TMEM117: variants seen among roughly 807,000 people sequenced by gnomAD.
The protein encoded by TMEM117 is transmembrane protein 117.
A neutral mutation model predicts 52.4 loss-of-function variants in TMEM117; 27 were observed. The observed-to-expected ratio is 0.51, with a 90% CI of 0.38 to 0.71. TMEM117 has a LOEUF of 0.71. Among genes scored for constraint, TMEM117 ranks in the 30% least tolerant of loss-of-function variants. The pLI, the probability that TMEM117 is intolerant of heterozygous loss-of-function variation, is 0.00. For synonymous variants in TMEM117, 215 were observed against 206.3 expected (o/e 1.04, Z -0.36); for missense variants, 556 against 630.5 (o/e 0.88, Z 1.26).
At chr12:44,063,158 G>T (rs1371217406) in intron 3 of TMEM117, among the ~76,000 whole-genome samples, 1 of 152,098 alleles carries the variant, frequency 6.6e-6, no homozygotes, top group Non-Finnish European at 1.5e-5. Context: ...TATCTCCCAA[G>T]AATCTTTTAT....
At chr12:43,960,909 C>T (rs1004123901) in intron 3 of TMEM117, among the ~76,000 whole-genome samples, 2 of 151,940 alleles carry the variant, frequency 1.3e-5, no homozygotes, top group Non-Finnish European at 2.9e-5. Flanking sequence ...TGCATGCTTC[C>T]AAGGTGAAGA....
intron 3 of TMEM117, among the ~76,000 whole-genome samples, chr12:44,104,500 A>G (rs1947918784): frequency 6.6e-6 from 1 of 151,404 alleles, no homozygotes; most frequent in Admixed American, 6.6e-5. Flanking sequence ...ATGTAAACTT[A>G]TTTAAGTCCC....
rs372452741 is a variant in TMEM117, at chr12:43,844,649, A to T, written c.-3A>T. 2 of 1,611,592 alleles carry T rather than the reference A, an allele frequency of 1.2e-6. No homozygotes were observed. The highest frequency in any genetic ancestry group is 2.7e-5 in the African/African-American group (2 of 74,678). The stretch of plus-strand genomic sequence containing the variant: ...GTAAACTACGAACTGGGAGTTCTGA[A>T]GAATGGGTAAAGACTTTCGTTACTA... On this transcript the variant is annotated 5_prime_UTR_variant, in exon 2 of 8. It adds an upstream start codon to the 5' untranslated region. Coordinates refer to ENST00000266534, the MANE Select transcript of TMEM117 (RefSeq NM_032256.3).
intron 3 of TMEM117, chr12:44,073,501 A>G (rs1947335710): frequency 6.6e-6 from 1 of 152,220 alleles, no homozygotes; most frequent in Non-Finnish European, 1.5e-5. Context: ...TTCAATTCAT[A>G]CTATTATTGA....
chr12:44,234,957 T>C (rs1395144877), intron 5 of TMEM117, among the ~76,000 whole-genome samples: 1 of 151,634 alleles, frequency 6.6e-6, no homozygotes, highest in African/African-American at 2.4e-5. Flanking sequence ...CATTAGGTTA[T>C]GTTTATTAAC....
chr12:43,817,729 A>T, the TMEM117 span, among the ~76,000 whole-genome samples: 1 of 152,190 alleles, frequency 6.6e-6, no homozygotes, highest in Non-Finnish European at 1.5e-5. Context: ...TGCAGAAAAA[A>T]ATAAAAATAC....
At chr12:44,303,046 A>AT (rs1024943154) in intron 6 of TMEM117, among the ~76,000 whole-genome samples, 112 of 146,300 alleles carry the variant, frequency 7.7e-4, no homozygotes, top group Middle Eastern at 3.5e-3. Flanking sequence ...AAGGTATTGT[A>AT]TTTTTTTTTT....
intron 7 of TMEM117, among the ~76,000 whole-genome samples, chr12:44,378,107 G>T (rs369570919): frequency 6.6e-5 from 10 of 152,034 alleles, no homozygotes; most frequent in Admixed American, 1.3e-4. Flanking sequence ...TATCCCTTTG[G>T]GGGGGGCTTT....
intron 2 of TMEM117, among the ~76,000 whole-genome samples, chr12:43,913,481 G>A (rs759449663): frequency 6.6e-6 from 1 of 152,138 alleles, no homozygotes; most frequent in African/African-American, 2.4e-5. Context: ...TTTACCTGAA[G>A]GAAAGGGAAC....
At chr12:44,383,489 C>CA (rs1229654273) in intron 7 of TMEM117, among the ~76,000 whole-genome samples, 2 of 151,842 alleles carry the variant, frequency 1.3e-5, no homozygotes, top group Non-Finnish European at 2.9e-5. Context: ...GCCCAAAAAC[C>CA]AAAAAAGAGG....
intron 2 of TMEM117, among the ~76,000 whole-genome samples, chr12:43,850,106 C>A (rs1465579639): frequency 6.6e-6 from 1 of 152,122 alleles, no homozygotes; most frequent in Non-Finnish European, 1.5e-5. Flanking sequence ...TCCGTTTTCA[C>A]AGGAAACAAC....
chr12:43,978,054 A>G (rs1361803733), intron 3 of TMEM117, among the ~76,000 whole-genome samples: 3 of 152,138 alleles, frequency 2.0e-5, no homozygotes, highest in African/African-American at 4.8e-5. Flanking sequence ...TGAGCTGGCA[A>G]TCTGGGCATT....
intron 3 of TMEM117, among the ~76,000 whole-genome samples, chr12:44,037,226 T>C (rs931638385): frequency 6.6e-6 from 1 of 152,152 alleles, no homozygotes; most frequent in African/African-American, 2.4e-5. Context: ...AGCCGTGCTG[T>C]CCTGGAAAAC....
chr12:44,011,677 T>TAC (rs1946292174), intron 3 of TMEM117, among the ~76,000 whole-genome samples: 2 of 151,960 alleles, frequency 1.3e-5, no homozygotes, highest in African/African-American at 4.8e-5. Context: ...CATACATACA[T>TAC]ATGTATGACC....
At chr12:44,098,742 A>G (rs572914168) in intron 3 of TMEM117, among the ~76,000 whole-genome samples, 76 of 152,232 alleles carry the variant, frequency 5.0e-4, no homozygotes, top group African/African-American at 1.8e-3. Context: ...GACACTCAAA[A>G]TCTGTGTTAA....
At position 44,211,976 on chromosome 12, in the gene TMEM117, C is replaced by A. The variant is rs76529886; in HGVS notation, c.608+589C>A. On this transcript the variant is annotated intron_variant, in intron 5 of 7. Transcript: ENST00000266534. ...AGAGGCAGCAAGAAGGGCACTTTCA[C>A]GTGGCTGTGGGACACTCCCCAAGCA... Among the ~76,000 whole-genome samples, 410 of 152,286 alleles carry A rather than the reference C, an allele frequency of 2.7e-3. 4 individuals are homozygous for A. Among genetic ancestry groups the A allele is most frequent in the African/African-American group, 9.2e-3 (382 of 41,556 alleles).
At chr12:44,242,444 C>T (rs1185799965) in intron 5 of TMEM117, among the ~76,000 whole-genome samples, 1 of 151,822 alleles carries the variant, frequency 6.6e-6, no homozygotes, top group Non-Finnish European at 1.5e-5. Context: ...CCAGCTCCAT[C>T]GTCATCCCTG....
intron 5 of TMEM117, among the ~76,000 whole-genome samples, chr12:44,256,143 C>T (rs1012262616): frequency 6.6e-6 from 1 of 151,732 alleles, no homozygotes; most frequent in Non-Finnish European, 1.5e-5. Context: ...TATGTACACA[C>T]TATGTGCATA....
rs537585329 is a variant in TMEM117, at chr12:44,069,940, C to G, written c.411-73585C>G. On this transcript the variant is annotated intron_variant, in intron 3 of 7. Transcript: ENST00000266534. ...AGTTTGACTCTGTTGCTCAGGCTGG[C>G]GTGCAGTGGCACGGGCTTGGCTCAC... Among the ~76,000 whole-genome samples, 3 of 152,222 alleles carry G rather than the reference C, an allele frequency of 2.0e-5. No individual in the cohort carries two copies. The South Asian group carries it at 6.2e-4, about 32-fold the overall frequency.
Sources: gnomAD v4.1 joint callset for allele counts (sites outside exome capture counted in the v4.1 genomes callset) on GRCh38, gnomAD v4.1.1 for gene constraint, MANE v1.5 for transcripts, NCBI Gene and HGNC (gene_info 2026-07-23, HGNC 2026-07-21) for gene names.